The following VPS13B variants were observed in gnomAD, a reference collection of about 807,000 sequenced individuals.
The protein encoded by VPS13B is intermembrane lipid transfer protein VPS13B.
Under a neutral mutation model 426.4 loss-of-function variants are expected in VPS13B, and 285 were observed. The observed-to-expected ratio is 0.67, with a 90% CI of 0.61 to 0.74. The LOEUF (loss-of-function observed/expected upper bound fraction) is 0.74, where lower values mean the gene tolerates loss of function less well. Ranked by LOEUF, VPS13B falls within the 30% of genes least tolerant of loss-of-function variation. The pLI is 0.00. For synonymous variants in VPS13B, 1,676 were observed against 1,676.4 expected, an observed-to-expected ratio of 1.00 and a Z score of 0.01; for missense variants, 4,537 against 4,782.6, an observed-to-expected ratio of 0.95 and a Z score of 1.51.
intron 3 of VPS13B, among the ~76,000 whole-genome samples, chr8:99,077,901 G>A (rs1845220997): frequency 6.6e-6 from 1 of 151,870 alleles, no homozygotes; most frequent in Non-Finnish European, 1.5e-5. Flanking sequence ...ATTTAAAAAA[G>A]AAAAAAGTTA....
chr8:99,870,390 C>T (rs554304174), intron 59 of VPS13B, among the ~76,000 whole-genome samples: 15 of 152,220 alleles, frequency 9.9e-5, no homozygotes, highest in Admixed American at 3.9e-4. Flanking sequence ...CTGACTCAAG[C>T]AATCCTCCCA....
At chr8:99,357,989 T>A (rs1192477918) in intron 19 of VPS13B, among the ~76,000 whole-genome samples, 1 of 145,764 alleles carries the variant, frequency 6.9e-6, no homozygotes, top group Non-Finnish European at 1.5e-5. Flanking sequence ...TGGTTTATTT[T>A]GAGGATTAAA....
intron 43 of VPS13B, among the ~76,000 whole-genome samples, chr8:99,807,265 G>A (rs1338025718): frequency 2.0e-5 from 3 of 152,176 alleles, no homozygotes; most frequent in African/African-American, 4.8e-5. Flanking sequence ...TAAAAGCTGT[G>A]TACACAGAGT....
intron 34 of VPS13B, among the ~76,000 whole-genome samples, chr8:99,643,811 T>C (rs1829467373): frequency 6.6e-6 from 1 of 152,192 alleles, no homozygotes; most frequent in African/African-American, 2.4e-5. Flanking sequence ...CCTCTCTTTC[T>C]CAAATATATT....
At chr8:99,433,528 C>T (rs926283170) in intron 22 of VPS13B, among the ~76,000 whole-genome samples, 1 of 152,028 alleles carries the variant, frequency 6.6e-6, no homozygotes, top group African/African-American at 2.4e-5. Flanking sequence ...CTCTAGTCAG[C>T]AAAGTATTCA....
At chr8:99,345,799 C>G (rs1811504144) in intron 19 of VPS13B, among the ~76,000 whole-genome samples, 1 of 152,154 alleles carries the variant, frequency 6.6e-6, no homozygotes. Context: ...TGCTCAAGAT[C>G]TGAATCAAAC....
chr8:99,306,669 G>A (rs1820653936), intron 19 of VPS13B, among the ~76,000 whole-genome samples: 1 of 152,058 alleles, frequency 6.6e-6, no homozygotes, highest in South Asian at 2.1e-4. Context: ...ACTTTCACTG[G>A]TTGAGGGCTT....
intron 19 of VPS13B, among the ~76,000 whole-genome samples, chr8:99,288,584 T>C (rs1819565225): frequency 6.6e-6 from 1 of 151,800 alleles, no homozygotes. Flanking sequence ...GTGGGAGGGG[T>C]CTCAATATGT....
At chr8:99,523,535 G>C (rs1175811556) in intron 30 of VPS13B, among the ~76,000 whole-genome samples, 3 of 151,990 alleles carry the variant, frequency 2.0e-5, no homozygotes, top group Non-Finnish European at 4.4e-5. Context: ...AGCACAGGCT[G>C]TGTTTGTTTG....
chr8:99,589,319 AG>A (rs1826477789), intron 33 of VPS13B, among the ~76,000 whole-genome samples: 1 of 151,566 alleles, frequency 6.6e-6, no homozygotes, highest in Non-Finnish European at 1.5e-5. Flanking sequence ...CTCGTCATTT[AG>A]CATTAGGTAT....
chr8:99,762,073 C>A (rs1054950179), intron 39 of VPS13B, among the ~76,000 whole-genome samples: 2 of 151,804 alleles, frequency 1.3e-5, no homozygotes, highest in Non-Finnish European at 2.9e-5. Flanking sequence ...GTTGTCCGGG[C>A]TGGGTGCAGT....
At position 99,221,469 on chromosome 8, in the gene VPS13B, A is replaced by G. The variant is rs557770309; in HGVS notation, c.2515+28412A>G. 1.1e-4 allele frequency among the ~76,000 whole-genome samples: 17 copies of G among 152,342 alleles called. 1 individual carries two copies. In the South Asian group the frequency reaches 1.9e-3, roughly 17 times the overall value. On this transcript the variant is annotated intron_variant, in intron 17 of 61. Transcript: ENST00000357162. ...TATTTGAAGAGGAAGAAAAATGAAA[A>G]GGAGAGAAATGTTAATTTTTTTAAA... is the stretch of plus-strand genomic sequence containing the variant.
intron 33 of VPS13B, among the ~76,000 whole-genome samples, chr8:99,624,395 C>G (rs1179700784): frequency 6.6e-6 from 1 of 151,956 alleles, no homozygotes; most frequent in Non-Finnish European, 1.5e-5. Flanking sequence ...AGAAGAGCGC[C>G]AAAGTGTAAC....
Position 99,641,875 on chromosome 8 carries a change from G to T in VPS13B, c.5285G>T (p.Arg1762Leu). 2 of 1,613,966 alleles carry T rather than the reference G, an allele frequency of 1.2e-6. No homozygotes were observed. The highest frequency in any genetic ancestry group is 1.1e-5 in the South Asian group (1 of 91,070). The change falls in exon 34 of 62, where the codon CGC becomes CTC. Residue 1762 changes from arginine to leucine, a missense_variant. This residue lies in a region of VPS13B where 4,311 missense variants were observed against 4,474.3 expected (regional missense o/e 0.96). Coordinates refer to ENST00000357162, the MANE Select transcript of VPS13B (RefSeq NM_152564.5). Reference protein sequence around the residue: ...FDGGMAETSSRYSGAQDSGIG... With the variant: ...FDGGMAETSSLYSGAQDSGIG... ...GGAGGCATGGCTGAAACCTCATCTC[G>T]CTACAGTGGTGCTCAGGATAGTGGA... is the stretch of plus-strand genomic sequence containing the variant.
chr8:99,670,175 G>A (rs1830650126), intron 35 of VPS13B, among the ~76,000 whole-genome samples: 1 of 152,032 alleles, frequency 6.6e-6, no homozygotes, highest in African/African-American at 2.4e-5. Context: ...AGACATATCT[G>A]AAGGTAACTG....
At chr8:99,207,842 C>G (rs1178305571) in intron 17 of VPS13B, among the ~76,000 whole-genome samples, 1 of 152,098 alleles carries the variant, frequency 6.6e-6, no homozygotes, top group Non-Finnish European at 1.5e-5. Context: ...ACTTATCAGT[C>G]ATTTTGAAAA....
intron 3 of VPS13B, among the ~76,000 whole-genome samples, chr8:99,050,992 C>G (rs1348944578): frequency 6.6e-6 from 1 of 152,028 alleles, no homozygotes; most frequent in East Asian, 1.9e-4. Context: ...TCTGTTCACT[C>G]TGATGGTAGT....
At chr8:99,020,886 C>A (rs188242615) in intron 2 of VPS13B, among the ~76,000 whole-genome samples, 71 of 152,296 alleles carry the variant, frequency 4.7e-4, no homozygotes, top group African/African-American at 1.6e-3. Context: ...AGATCACCAA[C>A]TTCTCAGTTT....
chr8:99,167,580 C>CA (rs1376282635), intron 15 of VPS13B, among the ~76,000 whole-genome samples: 1 of 151,936 alleles, frequency 6.6e-6, no homozygotes, highest in African/African-American at 2.4e-5. Flanking sequence ...TAATTTTTGG[C>CA]AAAATCTTAC....
Sources: gnomAD v4.1 joint callset for allele counts (sites outside exome capture counted in the v4.1 genomes callset) on GRCh38, gnomAD v4.1.1 for gene constraint, gnomAD v4.1.1 regional missense constraint, MANE v1.5 for transcripts, NCBI Gene and HGNC (gene_info 2026-07-23, HGNC 2026-07-21) for gene names.